The following CLEC16A variants were observed in gnomAD, a reference collection of about 807,000 sequenced individuals.
The protein encoded by CLEC16A is protein CLEC16A.
Under a neutral mutation model 109.5 loss-of-function variants are expected in CLEC16A, and 51 were observed. That is an observed-to-expected ratio of 0.47 (90% CI 0.37 to 0.59). The LOEUF is 0.59. CLEC16A is among the 20% of genes least tolerant of loss of function. The pLI is 0.00. For missense variants in CLEC16A, 1,339 were observed against 1,394.0 expected (o/e 0.96, Z 0.63); for synonymous variants, 673 against 564.2 (o/e 1.19, Z -2.73).
intron 19 of CLEC16A, among the ~76,000 whole-genome samples, chr16:11,112,991 G>C (rs1365586458): frequency 6.6e-6 from 1 of 152,220 alleles, no homozygotes; most frequent in Non-Finnish European, 1.5e-5. Flanking sequence ...GGTACTTAGT[G>C]CCTAGTACAG....
intron 18 of CLEC16A, among the ~76,000 whole-genome samples, chr16:11,055,512 G>A (rs1318724595): frequency 6.6e-6 from 1 of 151,304 alleles, no homozygotes; most frequent in Non-Finnish European, 1.5e-5. Context: ...TACAGGAGAG[G>A]ATGGTGGTAG....
At chr16:10,995,951 C>T (rs1259078648) in intron 10 of CLEC16A, among the ~76,000 whole-genome samples, 2 of 152,214 alleles carry the variant, frequency 1.3e-5, no homozygotes, top group African/African-American at 4.8e-5. Flanking sequence ...ATTATCACAA[C>T]AGCTTTGATA....
chr16:10,969,689 A>G (rs2146314990), intron 4 of CLEC16A, among the ~76,000 whole-genome samples: 1 of 152,156 alleles, frequency 6.6e-6, no homozygotes, highest in South Asian at 2.1e-4. Flanking sequence ...TTGTTCTGAG[A>G]GCTTTATACT....
chr16:11,162,085 A>G (rs972059656), intron 22 of CLEC16A, among the ~76,000 whole-genome samples: 1 of 152,236 alleles, frequency 6.6e-6, no homozygotes, highest in Non-Finnish European at 1.5e-5. Flanking sequence ...GCCTAAAAAT[A>G]GAAGACTGAC....
chr16:10,979,956 A>G (rs1189752876), intron 9 of CLEC16A, among the ~76,000 whole-genome samples: 1 of 152,170 alleles, frequency 6.6e-6, no homozygotes, highest in Non-Finnish European at 1.5e-5. Flanking sequence ...GTAATTATGT[A>G]ATATTTACAA....
chr16:11,102,270 A>G (rs2050964737), intron 19 of CLEC16A, among the ~76,000 whole-genome samples: 1 of 152,238 alleles, frequency 6.6e-6, no homozygotes, highest in South Asian at 2.1e-4. Context: ...CTTAAATCAC[A>G]TGCTTCCAGA....
chr16:11,008,225 T>C (rs1450283165), intron 11 of CLEC16A, among the ~76,000 whole-genome samples: 1 of 152,188 alleles, frequency 6.6e-6, no homozygotes, highest in Non-Finnish European at 1.5e-5. Context: ...CCTCTTGCCA[T>C]CTTTTTTCAG....
chr16:11,018,748 C>CAAAAAACAAAAAAAAAAAAAAAAA (rs2045917878), intron 11 of CLEC16A, among the ~76,000 whole-genome samples: 1 of 96,280 alleles, frequency 1.0e-5, no homozygotes, highest in African/African-American at 4.4e-5. Context: ...GACTCCATCT[C>CAAAAAACAAAAAAAAAAAAAAAAA]AAAAAAAAAA....
chr16:11,137,653 A>T (rs2053633285), intron 22 of CLEC16A, among the ~76,000 whole-genome samples: 1 of 151,032 alleles, frequency 6.6e-6, no homozygotes, highest in Non-Finnish European at 1.5e-5. Flanking sequence ...TACTAAAAAT[A>T]CAAAAAGTAG....
At position 11,047,321 on chromosome 16, in the gene CLEC16A, A is replaced by G. The variant is rs1337890118; in HGVS notation, c.1845A>G (p.Glu615=). 1.2e-6 allele frequency: 2 copies of G among 1,611,396 alleles called. No homozygotes were observed. The highest frequency in any genetic ancestry group is 1.7e-6 in the Non-Finnish European group (2 of 1,178,780). ...AAGACATTTTTTTGGACATGTTTGA[A>G]GATGAGTATAGGAGCATGACAGTAA... ...KGEDIFLDMF[E]DEYRSMTMKP... is the part of the protein sequence containing the mutation. Residue 615 remains glutamate (E), a synonymous_variant, in exon 17 of 24, where the codon GAA becomes GAG. Transcript: ENST00000409790.
chr16:11,067,201 T>G (rs1398420539), intron 19 of CLEC16A, among the ~76,000 whole-genome samples: 6 of 148,594 alleles, frequency 4.0e-5, no homozygotes, highest in South Asian at 2.1e-4. Context: ...TTTTTTTTTT[T>G]TTTTTTTTTA....
At chr16:11,085,026 G>A (rs559381788) in intron 19 of CLEC16A, among the ~76,000 whole-genome samples, 1 of 152,222 alleles carries the variant, frequency 6.6e-6, no homozygotes, top group Non-Finnish European at 1.5e-5. Context: ...CCCTTTTGCA[G>A]AGAGAGAGTC....
chr16:11,036,300 C>T lies in CLEC16A; in HGVS notation c.1538-3454C>T, dbSNP rs569143157. On this transcript the variant is annotated intron_variant, in intron 13 of 23. Transcript: ENST00000409790. ...ATCCTCCACCTCATCACCCCCTCCCCGGCTCTCTCCCACCCAGACCTCTCT... is the reference window on the plus strand; with the variant it reads ...ATCCTCCACCTCATCACCCCCTCCCTGGCTCTCTCCCACCCAGACCTCTCT... 5.9e-5 allele frequency among the ~76,000 whole-genome samples: 9 copies of T among 152,132 alleles called. No individual in the cohort carries two copies. In the East Asian group the frequency reaches 9.7e-4, roughly 16 times the overall value.
intron 22 of CLEC16A, 154 bp downstream of exon 22, chr16:11,126,300 CAAG>C: frequency 6.5e-7 from 1 of 1,530,374 alleles, no homozygotes; most frequent in Admixed American, 2.1e-5. Flanking sequence ...AAGCACAGCG[CAAG>C]ATTAAACACA....
intron 16 of CLEC16A, 165 bp downstream of exon 16, chr16:11,044,237 C>G: frequency 2.0e-6 from 1 of 496,420 alleles, no homozygotes; most frequent in Non-Finnish European, 3.2e-6. Context: ...GTAGCAATAT[C>G]TAAACTTTTC....
intron 1 of CLEC16A, among the ~76,000 whole-genome samples, chr16:10,950,820 T>TG (rs1437280481): frequency 2.6e-5 from 4 of 152,332 alleles, no homozygotes; most frequent in African/African-American, 9.6e-5. Flanking sequence ...GTGTGGACAT[T>TG]GGGGGGTAAA....
intron 22 of CLEC16A, among the ~76,000 whole-genome samples, chr16:11,129,416 C>G (rs535374162): frequency 1.3e-5 from 2 of 152,356 alleles, no homozygotes; most frequent in Admixed American, 6.5e-5. Context: ...TAGAAGACAT[C>G]TGGATTCTCC....
At chr16:11,177,113 T>G (rs2068780415) in intron 23 of CLEC16A, among the ~76,000 whole-genome samples, 1 of 152,206 alleles carries the variant, frequency 6.6e-6, no homozygotes, top group African/African-American at 2.4e-5. Context: ...CGCCATGGCT[T>G]GGGGACCCCC....
At chr16:11,058,519 C>T (rs1597237770) in intron 18 of CLEC16A, among the ~76,000 whole-genome samples, 2 of 143,328 alleles carry the variant, frequency 1.4e-5, no homozygotes, top group East Asian at 3.9e-4. Context: ...AGTACAGATG[C>T]AACCCTTTTT....
Sources: allele counts gnomAD v4.1 joint callset (sites outside exome capture counted in the v4.1 genomes callset), GRCh38; gene constraint gnomAD v4.1.1; transcripts MANE v1.5; gene names NCBI Gene and HGNC (gene_info 2026-07-23, HGNC 2026-07-21).